The following OPCML variants were observed in gnomAD, a reference collection of about 807,000 sequenced individuals.
OPCML encodes the protein opioid-binding protein/cell adhesion molecule.
A neutral mutation model predicts 37.8 loss-of-function variants in OPCML; 13 were observed. The ratio of observed to expected loss-of-function variants is 0.34; its 90% CI spans 0.22 to 0.55. The LOEUF (loss-of-function observed/expected upper bound fraction) is 0.55. OPCML is among the 20% of genes least tolerant of loss of function. OPCML has a pLI of 0.91. For synonymous variants in OPCML, 176 were observed against 168.8 expected (o/e 1.04, Z -0.33); for missense variants, 341 against 435.6 (o/e 0.78, Z 1.93).
At chr11:133,386,000 G>A (rs1945039769) in intron 1 of OPCML, among the ~76,000 whole-genome samples, 1 of 152,156 alleles carries the variant, frequency 6.6e-6, no homozygotes, top group African/African-American at 2.4e-5. Context: ...ATTGCTTCAA[G>A]GATCTAACTC....
intron 1 of OPCML, among the ~76,000 whole-genome samples, chr11:133,256,261 G>A (rs1941310140): frequency 6.6e-6 from 1 of 152,226 alleles, no homozygotes. Flanking sequence ...TCTGGGCTTT[G>A]CCACTCACCT....
At chr11:132,563,887 C>T (rs1014543715) in intron 3 of OPCML, among the ~76,000 whole-genome samples, 11 of 152,052 alleles carry the variant, frequency 7.2e-5, no homozygotes, top group African/African-American at 2.7e-4. Context: ...GGAGATGTTG[C>T]AAGATTTACC....
chr11:133,118,435 T>A (rs1409075157), intron 1 of OPCML: 20 of 984,852 alleles, frequency 2.0e-5, no homozygotes, highest in Admixed American at 1.2e-4. Context: ...TACACAATGG[T>A]CCTGATTAAA....
intron 2 of OPCML, among the ~76,000 whole-genome samples, chr11:132,773,961 G>A (rs1357545803): frequency 1.3e-5 from 2 of 152,202 alleles, no homozygotes; most frequent in Admixed American, 6.5e-5. Flanking sequence ...GAGAGAGAGA[G>A]AAAAGGCTCT....
At chr11:133,133,066 A>G (rs552308904) in intron 1 of OPCML, among the ~76,000 whole-genome samples, 8 of 152,258 alleles carry the variant, frequency 5.3e-5, no homozygotes, top group African/African-American at 1.9e-4. Context: ...CTCAGAAATT[A>G]AAATTCTGCC....
intron 1 of OPCML, among the ~76,000 whole-genome samples, chr11:133,194,928 C>T (rs1938479098): frequency 6.6e-6 from 1 of 152,204 alleles, no homozygotes; most frequent in Non-Finnish European, 1.5e-5. Context: ...TAAGGTGCAG[C>T]TCGGATGTCA....
At chr11:132,646,233 T>C (rs1379233454) in intron 3 of OPCML, among the ~76,000 whole-genome samples, 3 of 151,994 alleles carry the variant, frequency 2.0e-5, no homozygotes, top group African/African-American at 7.3e-5. Flanking sequence ...ACTAAACAAC[T>C]TACTCATGTA....
intron 1 of OPCML, among the ~76,000 whole-genome samples, chr11:132,997,889 T>C (rs140896470): frequency 6.6e-6 from 1 of 152,328 alleles, no homozygotes; most frequent in East Asian, 1.9e-4. Flanking sequence ...CTTAGATTCA[T>C]TAAAGCCAGG....
intron 1 of OPCML, among the ~76,000 whole-genome samples, chr11:133,196,607 T>C (rs1200196542): frequency 6.6e-6 from 1 of 152,188 alleles, no homozygotes; most frequent in African/African-American, 2.4e-5. Context: ...GAGAGATTTA[T>C]TGACAGTCAA....
At chr11:133,037,014 A>T (rs533181712) in intron 1 of OPCML, among the ~76,000 whole-genome samples, 2 of 151,950 alleles carry the variant, frequency 1.3e-5, no homozygotes, top group African/African-American at 4.8e-5. Context: ...TCTCCCGGCC[A>T]CCCTGGCTCA....
chr11:132,960,114 C>T (rs2136718342), intron 1 of OPCML, among the ~76,000 whole-genome samples: 1 of 152,292 alleles, frequency 6.6e-6, no homozygotes, highest in African/African-American at 2.4e-5. Flanking sequence ...CCTACTACTG[C>T]CACCGTTAAT....
chr11:133,036,782 G>A lies in OPCML; in HGVS notation c.62-93772C>T, dbSNP rs540863658. Among the ~76,000 whole-genome samples the A allele has an allele frequency of 5.3e-5, 8 of 152,346 alleles. No homozygotes were observed. In the South Asian group the frequency reaches 8.3e-4, roughly 16 times the overall value. On this transcript the variant is annotated intron_variant, in intron 1 of 7. Coordinates refer to ENST00000524381, the MANE Select transcript of OPCML (RefSeq NM_001012393.5). ...TACATTCTGCATTCAGAAAAGAACT[G>A]GCAGCTTAAGTTTATGGTGAGGTGG... is the stretch of plus-strand genomic sequence containing the variant.
intron 4 of OPCML, among the ~76,000 whole-genome samples, chr11:132,462,253 G>A (rs989529676): frequency 6.6e-6 from 1 of 152,140 alleles, no homozygotes; most frequent in Admixed American, 6.5e-5. Context: ...GTGATCAGAG[G>A]TGAAGTATTC....
At chr11:133,037,497 C>T (rs1947803961) in intron 1 of OPCML, among the ~76,000 whole-genome samples, 1 of 152,130 alleles carries the variant, frequency 6.6e-6, no homozygotes, top group African/African-American at 2.4e-5. Flanking sequence ...TTCTTGTAAC[C>T]TAGCTGCAGT....
chr11:132,832,803 G>A (rs915373255), intron 2 of OPCML, among the ~76,000 whole-genome samples: 1 of 152,194 alleles, frequency 6.6e-6, no homozygotes, highest in Non-Finnish European at 1.5e-5. Flanking sequence ...GTCACTCCTA[G>A]GCTACAAGCC....
intron 1 of OPCML, chr11:133,007,622 AT>A: frequency 5.1e-6 from 5 of 985,412 alleles, no homozygotes; most frequent in Non-Finnish European, 6.0e-6. Context: ...GCACATGCTT[AT>A]TTTTATTTTG....
chr11:133,279,051 G>A (rs560337600), intron 1 of OPCML, among the ~76,000 whole-genome samples: 5 of 152,292 alleles, frequency 3.3e-5, no homozygotes, highest in South Asian at 2.1e-4. Context: ...CACAGAATCA[G>A]GGTCTTGTTC....
intron 4 of OPCML, among the ~76,000 whole-genome samples, chr11:132,528,228 T>C (rs2096313889): frequency 6.6e-6 from 1 of 152,222 alleles, no homozygotes; most frequent in African/African-American, 2.4e-5. Flanking sequence ...ACTCTTAAAC[T>C]TTCTTGTAGA....
chr11:133,389,099 C>T (rs1945115675), intron 1 of OPCML, among the ~76,000 whole-genome samples: 1 of 152,100 alleles, frequency 6.6e-6, no homozygotes, highest in African/African-American at 2.4e-5. Flanking sequence ...ACCAACAATC[C>T]CCAGTAAAGC....
Sources: allele counts gnomAD v4.1 joint callset (sites outside exome capture counted in the v4.1 genomes callset), GRCh38; gene constraint gnomAD v4.1.1; transcripts MANE v1.5; gene names NCBI Gene and HGNC (gene_info 2026-07-23, HGNC 2026-07-21).